NRG4: variants seen among roughly 807,000 people sequenced by gnomAD.
NRG4 encodes the protein neuregulin 4.
NRG4 carries 10 observed loss-of-function variants against 15.0 expected under a neutral mutation model. That is an observed-to-expected ratio of 0.67 (90% confidence interval 0.41 to 1.13). The LOEUF (loss-of-function observed/expected upper bound fraction) is 1.13. Among genes scored for constraint, NRG4 ranks in the 50% most tolerant of loss-of-function variants. NRG4 has a pLI of 0.00. For missense variants in NRG4, 139 were observed against 140.2 expected, an observed-to-expected ratio of 0.99 and a Z score of 0.04; for synonymous variants, 41 against 50.1, an observed-to-expected ratio of 0.82 and a Z score of 0.77.
downstream of NRG4, chr15:75,935,709 C>T (rs977411803): frequency 2.6e-5 from 4 of 151,504 alleles, no homozygotes; most frequent in Non-Finnish European, 5.9e-5. Flanking sequence ...TAGCAAAAGA[C>T]GTGCAACTGG....
Position 75,977,356 on chromosome 15 carries a change from C to T in NRG4, c.105-15382G>A, listed in dbSNP as rs934778486. Among the ~76,000 whole-genome samples the T allele has an allele frequency of 3.3e-5, 5 of 152,100 alleles. No homozygotes were observed. Among genetic ancestry groups the T allele is most frequent in the African/African-American group, 7.2e-5 (3 of 41,432 alleles). Reference sequence around the variant, plus strand: ...GGTTCTGTCTCACTGGTGTTGCAGGCGCCACTGGGGTATGAAAAACCCCTG... The same window carrying T: ...GGTTCTGTCTCACTGGTGTTGCAGGTGCCACTGGGGTATGAAAAACCCCTG... On this transcript the variant is annotated intron_variant, in intron 3 of 5. Coordinates refer to ENST00000394907, the MANE Select transcript of NRG4 (RefSeq NM_138573.4). The surrounding 1 kb of genome is among the most constrained non-coding windows in gnomAD (Gnocchi z 4.9).
intron 3 of NRG4, among the ~76,000 whole-genome samples, chr15:75,989,963 A>T (rs536282292): frequency 9.8e-5 from 15 of 152,316 alleles, no homozygotes; most frequent in Non-Finnish European, 1.5e-5. Flanking sequence ...TTGACAGGGT[A>T]CAAATGGAGT....
chr15:75,966,718 C>T (rs920592923), intron 3 of NRG4, among the ~76,000 whole-genome samples: 4 of 151,594 alleles, frequency 2.6e-5, no homozygotes, highest in African/African-American at 9.8e-5. Context: ...CCACCTGATA[C>T]TCTGTGTCAA....
intron 5 of NRG4, among the ~76,000 whole-genome samples, chr15:75,949,684 TTTCTC>T (rs1167128144): frequency 6.6e-6 from 1 of 152,198 alleles, no homozygotes. Context: ...TCACAAAGAC[TTTCTC>T]TTATGTTTTC....
intron 5 of NRG4, among the ~76,000 whole-genome samples, chr15:76,024,100 T>C (rs1016720341): frequency 1.3e-5 from 2 of 152,206 alleles, no homozygotes; most frequent in South Asian, 4.1e-4. Context: ...AACAGATTCA[T>C]GGGCTACTCC....
At chr15:76,030,609 A>G (rs980765600) in intron 5 of NRG4, among the ~76,000 whole-genome samples, 4 of 152,252 alleles carry the variant, frequency 2.6e-5, no homozygotes, top group Non-Finnish European at 5.9e-5. Flanking sequence ...AACAATCTAA[A>G]TGAAAAACCT....
At chr15:76,043,625 C>T (rs776032483) in intron 4 of NRG4, among the ~76,000 whole-genome samples, 1 of 151,940 alleles carries the variant, frequency 6.6e-6, no homozygotes, top group Non-Finnish European at 1.5e-5. Flanking sequence ...TATACCAATG[C>T]AAGAAATTGA....
At chr15:75,976,534 T>C (rs1267655222) in intron 3 of NRG4, among the ~76,000 whole-genome samples, 2 of 152,176 alleles carry the variant, frequency 1.3e-5, no homozygotes. Context: ...GTGGACACCC[T>C]TTTTGTTGAT....
chr15:75,963,543 G>T (rs2032637088), intron 3 of NRG4, among the ~76,000 whole-genome samples: 1 of 152,074 alleles, frequency 6.6e-6, no homozygotes, highest in South Asian at 2.1e-4. Context: ...ACTTTGGGAG[G>T]CCGAGGCGGG....
rs2035845157 is a variant in NRG4 at position 76,045,339 on chromosome 15, T to C, written c.-105+6728A>G. On this transcript the variant is annotated intron_variant, in intron 4 of 8. Coordinates refer to the NRG4 transcript ENST00000563910. ...AAGGGAAACACTCACATACTGTTGGTGGGAACCACTATGGAGAACAATTTG... is the reference window on the plus strand; with the variant it reads ...AAGGGAAACACTCACATACTGTTGGCGGGAACCACTATGGAGAACAATTTG... Among the ~76,000 whole-genome samples, 2 of 151,028 alleles carry C rather than the reference T, an allele frequency of 1.3e-5. 1 individual carries two copies. Among genetic ancestry groups the C allele is most frequent in the African/African-American group, 4.9e-5 (2 of 40,540 alleles).
intron 3 of NRG4, among the ~76,000 whole-genome samples, chr15:75,964,254 A>G (rs1482124250): frequency 6.6e-6 from 1 of 152,166 alleles, no homozygotes; most frequent in Non-Finnish European, 1.5e-5. Flanking sequence ...AAGGGGCAGC[A>G]TTCCACAGAG....
At chr15:76,047,927 G>A (rs2035911669) in intron 4 of NRG4, among the ~76,000 whole-genome samples, 1 of 150,702 alleles carries the variant, frequency 6.6e-6, no homozygotes, top group African/African-American at 2.5e-5. Flanking sequence ...AGGCTGAGGT[G>A]GGAGGATCAC....
chr15:75,943,671 A>G lies in NRG4; in HGVS notation c.332-17T>C. On this transcript the variant is annotated splice_polypyrimidine_tract_variant and intron_variant, in intron 5 of 5. Coordinates refer to ENST00000394907, the MANE Select transcript of NRG4 (RefSeq NM_138573.4). ...GTTCATGACCTGTGAAAAATAAGTA[A>G]GAATTAAGATGCTTTCTCCATTGCA... The G allele has an allele frequency of 6.6e-7, 1 of 1,524,404 alleles. No individual in the cohort carries two copies. Among genetic ancestry groups the G allele is most frequent in the Non-Finnish European group, 9.1e-7 (1 of 1,100,544 alleles). The allele number at this position is 1,524,404 out of a possible 1,614,324, so 94.4% of individuals were successfully genotyped here.
intron 5 of NRG4, among the ~76,000 whole-genome samples, chr15:76,023,315 G>A (rs948282914): frequency 4.6e-5 from 7 of 151,988 alleles, no homozygotes; most frequent in Non-Finnish European, 1.0e-4. Flanking sequence ...TACAGTGATT[G>A]GAAGCAACGG....
rs60453624 is a variant in NRG4 at position 75,993,392 on chromosome 15, TAAAAAAAAAA to T, written c.104+15798_104+15807del. Reference sequence around the variant, plus strand: ...ATTTGACAAGTCACTGAGGATTCTGTAAAAAAAAAAAAAAAAAAAAAAAAAAAATTCTGGC... The same window carrying T: ...ATTTGACAAGTCACTGAGGATTCTGTAAAAAAAAAAAAAAAAAATTCTGGC... On this transcript the variant is annotated intron_variant, in intron 3 of 5. Coordinates refer to ENST00000394907, the MANE Select transcript of NRG4 (RefSeq NM_138573.4). Among the ~76,000 whole-genome samples the T allele has an allele frequency of 5.6e-3, 401 of 72,146 alleles. 4 individuals carry two copies. Among genetic ancestry groups the T allele is most frequent in the Middle Eastern group, 0.031 (4 of 130 alleles). 47.3% of individuals were successfully genotyped at this position (72,146 alleles called of 152,430 possible).
chr15:76,004,520 ACGCAGGAGGCAGAGGTTG>A (rs764883534), intron 3 of NRG4, among the ~76,000 whole-genome samples: 2 of 151,284 alleles, frequency 1.3e-5, no homozygotes, highest in African/African-American at 4.9e-5. Context: ...AATCACTTGA[ACGCAGGAGGCAGAGGTTG>A]CAGTGGGCCG....
intron 3 of NRG4, among the ~76,000 whole-genome samples, chr15:75,964,782 G>T (rs1225802309): frequency 6.6e-6 from 1 of 151,882 alleles, no homozygotes; most frequent in Non-Finnish European, 1.5e-5. Context: ...ACAAAAATTA[G>T]CTGGCTGGTG....
At chr15:76,038,968 G>A (rs925673590) in intron 4 of NRG4, among the ~76,000 whole-genome samples, 2 of 152,210 alleles carry the variant, frequency 1.3e-5, no homozygotes, top group Admixed American at 6.5e-5. Context: ...TCTCTGCCTG[G>A]TAAACCAGAG....
intron 4 of NRG4, among the ~76,000 whole-genome samples, chr15:76,050,597 AT>A (rs35228253): frequency 0.36 from 39,621 of 109,030 alleles, 6,109 homozygotes; most frequent in East Asian, 0.6. Flanking sequence ...CGCTCGGCTA[AT>A]TTTTTTTTTT....
Sources: gnomAD v4.1 joint callset for allele counts (sites outside exome capture counted in the v4.1 genomes callset) on GRCh38, gnomAD v4.1.1 for gene constraint, Gnocchi (gnomAD v3.1) non-coding constraint, MANE v1.5 for transcripts, NCBI Gene and HGNC (gene_info 2026-07-23, HGNC 2026-07-21) for gene names.